Variants in NFATC3 observed in about 807,000 individuals in gnomAD.
NFATC3 encodes nuclear factor of activated T-cells, cytoplasmic 3.
A neutral mutation model predicts 98.6 loss-of-function variants in NFATC3; 46 were observed. The observed-to-expected ratio is 0.47, with a 90% CI of 0.37 to 0.60. The LOEUF (loss-of-function observed/expected upper bound fraction) is 0.60. Ranked by LOEUF, NFATC3 falls within the 20% of genes least tolerant of loss-of-function variation. NFATC3 has a pLI of 0.00. For synonymous variants in NFATC3, 512 were observed against 472.2 expected (o/e 1.08, Z -1.09); for missense variants, 1,256 against 1,295.5 (o/e 0.97, Z 0.47).
At chr16:68,124,835 TC>T (rs756937174) in intron 2 of NFATC3, among the ~76,000 whole-genome samples, 1 of 151,828 alleles carries the variant, frequency 6.6e-6, no homozygotes, top group Non-Finnish European at 1.5e-5. Flanking sequence ...GTTAAGCAAT[TC>T]TCCTGCCTCA....
At chr16:68,106,208 A>G (rs1333860149) in intron 1 of NFATC3, among the ~76,000 whole-genome samples, 1 of 151,940 alleles carries the variant, frequency 6.6e-6, no homozygotes, top group Non-Finnish European at 1.5e-5. Flanking sequence ...ATTCTTACAT[A>G]TATTTTTGCA....
intron 6 of NFATC3, among the ~76,000 whole-genome samples, chr16:68,179,296 T>G (rs1208057229): frequency 6.6e-6 from 1 of 152,224 alleles, no homozygotes; most frequent in Non-Finnish European, 1.5e-5. Context: ...TTTATTATAA[T>G]CAACTGTTTG....
chr16:68,153,247 C>A lies in NFATC3; in HGVS notation c.1402-4622C>A, dbSNP rs572518523. On this transcript the variant is annotated intron_variant, in intron 3 of 9. Transcript: ENST00000346183. Reference sequence around the variant, plus strand: ...ACCAGCATGGCCAACATGGTGAAACCCCGTCTCTACTAAAAATGCAAAAAT... The same window carrying A: ...ACCAGCATGGCCAACATGGTGAAACACCGTCTCTACTAAAAATGCAAAAAT... 2.4e-3 allele frequency among the ~76,000 whole-genome samples: 364 copies of A among 152,134 alleles called. 5 individuals are homozygous for A. The highest frequency in any genetic ancestry group is 8.2e-3 in the African/African-American group (340 of 41,508).
intron 1 of NFATC3, among the ~76,000 whole-genome samples, chr16:68,119,395 A>G (rs1280385359): frequency 1.3e-5 from 2 of 152,082 alleles, no homozygotes; most frequent in African/African-American, 2.4e-5. Flanking sequence ...ATATATATCA[A>G]ATGATGATAC....
At chr16:68,153,815 G>A (rs111701446) in intron 3 of NFATC3, among the ~76,000 whole-genome samples, 16,048 of 151,812 alleles carry the variant, frequency 0.11, 966 homozygotes, top group South Asian at 0.19. Flanking sequence ...GAGTTTCACC[G>A]TGTTAGCCAG....
intron 1 of NFATC3, among the ~76,000 whole-genome samples, chr16:68,100,406 C>T (rs981167703): frequency 6.6e-6 from 1 of 152,096 alleles, no homozygotes; most frequent in Admixed American, 6.6e-5. Context: ...AACCCCATCT[C>T]TACTAAAAAT....
intron 1 of NFATC3, among the ~76,000 whole-genome samples, chr16:68,099,438 A>G (rs946965878): frequency 5.3e-4 from 80 of 151,696 alleles, no homozygotes; most frequent in African/African-American, 1.8e-3. Flanking sequence ...CCACCTCAAA[A>G]AAAAAAAAAT....
At chr16:68,106,787 G>A (rs576146854) in intron 1 of NFATC3, among the ~76,000 whole-genome samples, 2 of 151,194 alleles carry the variant, frequency 1.3e-5, no homozygotes, top group Non-Finnish European at 2.9e-5. Flanking sequence ...GGATACATGT[G>A]CAGGATATGG....
In NFATC3 at chr16:68,191,551, C is replaced by T; in HGVS notation, c.2882C>T (p.Ser961Leu). 6.2e-7 allele frequency: 1 copy of T among 1,614,154 alleles called. No homozygotes were observed. Among genetic ancestry groups the T allele is most frequent in the Non-Finnish European group, 8.5e-7 (1 of 1,180,020 alleles). Residue 961 changes from serine (S) to leucine (L), a missense_variant, in exon 9 of 10, where the codon TCA becomes TTA. Ser to Leu is a moderately radical substitution (Grantham distance 145, BLOSUM62 -2). Transcript: ENST00000346183. Reference protein sequence around the residue: ...PYQSPSSGTASSPSPATRMHS... With the variant: ...PYQSPSSGTALSPSPATRMHS... ...CAATCTCCTAGCTCAGGAACTGCCT[C>T]ATCACCGTCTCCAGCCACCAGAATG...
Position 68,122,261 on chromosome 16 carries a change from A to G in NFATC3, c.378A>G (p.Ala126=). 6.2e-7 allele frequency: 1 copy of G among 1,614,180 alleles called. No individual in the cohort carries two copies. Residue 126 remains alanine, a synonymous_variant, in exon 2 of 10, where the codon GCA becomes GCG. Transcript: ENST00000346183. ...ISPNCHQELD[A]HEDDLQINDP... Reference sequence around the variant, plus strand: ...CTAACTGTCATCAAGAATTAGATGCACATGAAGATGACCTACAGATAAATG... The same window carrying G: ...CTAACTGTCATCAAGAATTAGATGCGCATGAAGATGACCTACAGATAAATG...
At chr16:68,137,081 T>A (rs1486254743) in intron 3 of NFATC3, among the ~76,000 whole-genome samples, 1 of 152,158 alleles carries the variant, frequency 6.6e-6, no homozygotes, top group Non-Finnish European at 1.5e-5. Flanking sequence ...GGCTGTACTA[T>A]GTTTATAAAA....
chr16:68,126,747 T>G (rs758902096), intron 3 of NFATC3, 137 bp downstream of exon 3: 5 of 710,884 alleles, frequency 7.0e-6, no homozygotes, highest in Non-Finnish European at 1.1e-5. Context: ...GGGGGCTTGT[T>G]GATGTGACTA....
At position 68,106,722 on chromosome 16, in the gene NFATC3, G is replaced by A. The variant is rs148685016; in HGVS notation, c.104-15265G>A. On this transcript the variant is annotated intron_variant, in intron 1 of 9. Coordinates refer to ENST00000346183, the MANE Select transcript of NFATC3 (RefSeq NM_173165.3). Reference sequence around the variant, plus strand: ...ATTACAGACGTGAGCCACCGTACCCGGACGCCTTTTTTTTTTGTTGTTTTT... The same window carrying A: ...ATTACAGACGTGAGCCACCGTACCCAGACGCCTTTTTTTTTTGTTGTTTTT... Among the ~76,000 whole-genome samples the A allele has an allele frequency of 9.6e-4, 145 of 151,558 alleles. 6 individuals are homozygous for A. The highest frequency in any genetic ancestry group is 8.0e-3 in the Admixed American group (122 of 15,200).
intron 3 of NFATC3, among the ~76,000 whole-genome samples, chr16:68,142,244 A>G (rs1387009937): frequency 6.6e-6 from 1 of 151,388 alleles, no homozygotes; most frequent in Non-Finnish European, 1.5e-5. Flanking sequence ...GTCATCTATG[A>G]TTTTTTTCAG....
At chr16:68,095,033 A>G (rs954525181) in intron 1 of NFATC3, among the ~76,000 whole-genome samples, 7 of 152,152 alleles carry the variant, frequency 4.6e-5, no homozygotes, top group African/African-American at 1.7e-4. Flanking sequence ...GCCTGAGGAT[A>G]TGGTTGGCTT....
At chr16:68,171,473 CTTT>C (rs775563343) in intron 5 of NFATC3, among the ~76,000 whole-genome samples, 1 of 141,114 alleles carries the variant, frequency 7.1e-6, no homozygotes, top group African/African-American at 2.6e-5. Context: ...CCATACCTAT[CTTT>C]TTTTTTTTTT....
At chr16:68,205,712 T>C (rs374095651) in intron 9 of NFATC3, among the ~76,000 whole-genome samples, 4 of 152,278 alleles carry the variant, frequency 2.6e-5, no homozygotes, top group East Asian at 1.9e-4. Flanking sequence ...TGCATTTTTT[T>C]CCCCTTATTT....
intron 9 of NFATC3, among the ~76,000 whole-genome samples, chr16:68,205,359 C>G (rs1374403273): frequency 6.6e-6 from 1 of 151,996 alleles, no homozygotes; most frequent in Non-Finnish European, 1.5e-5. Context: ...GCATTTCTCT[C>G]CCACCTCAGC....
chr16:68,102,379 A>AG (rs1206682694), intron 1 of NFATC3, among the ~76,000 whole-genome samples: 1 of 149,452 alleles, frequency 6.7e-6, no homozygotes, highest in Admixed American at 6.7e-5. Context: ...CTCAGGAAAA[A>AG]AAAAAAAAAA....
Sources: gnomAD v4.1 joint callset for allele counts (sites outside exome capture counted in the v4.1 genomes callset) on GRCh38, gnomAD v4.1.1 for gene constraint, MANE v1.5 for transcripts, NCBI Gene and HGNC (gene_info 2026-07-23, HGNC 2026-07-21) for gene names.